Variants in MDGA2 observed in about 807,000 individuals in gnomAD.
MDGA2 encodes the protein MAM domain containing glycosylphosphatidylinositol anchor 2, also known as MAM domain-containing glycosylphosphatidylinositol anchor protein 2.
In MDGA2, 40 loss-of-function variants were observed where a neutral mutation model predicts 117.8. That is an observed-to-expected ratio of 0.34 (90% CI 0.26 to 0.44). MDGA2 has a LOEUF of 0.44. Ranked by LOEUF, MDGA2 falls within the 20% of genes least tolerant of loss-of-function variation. MDGA2 has a pLI of 1.00. For synonymous variants in MDGA2, 452 were observed against 439.0 expected, an observed-to-expected ratio of 1.03 and a Z score of -0.37; for missense variants, 1,123 against 1,250.6, an observed-to-expected ratio of 0.90 and a Z score of 1.54.
chr14:46,970,213 A>G (rs1886211463), intron 8 of MDGA2, among the ~76,000 whole-genome samples: 1 of 152,026 alleles, frequency 6.6e-6, no homozygotes. Context: ...TGGAATTTGT[A>G]TGAAACCAAA....
intron 1 of MDGA2, among the ~76,000 whole-genome samples, chr14:47,326,485 T>C (rs1173174486): frequency 6.6e-6 from 1 of 152,036 alleles, no homozygotes; most frequent in Non-Finnish European, 1.5e-5. Context: ...GCTTTCCAAT[T>C]ATTCCTCTCT....
At chr14:47,667,780 A>C (rs1898002190) in intron 1 of MDGA2, among the ~76,000 whole-genome samples, 1 of 152,120 alleles carries the variant, frequency 6.6e-6, no homozygotes, top group Non-Finnish European at 1.5e-5. Context: ...GGATCACTTG[A>C]TTATTTTTAT....
intron 1 of MDGA2, among the ~76,000 whole-genome samples, chr14:47,635,206 A>C (rs1897303175): frequency 6.6e-6 from 1 of 152,100 alleles, no homozygotes; most frequent in South Asian, 2.1e-4. Flanking sequence ...CAAGAAATAA[A>C]TTTTATGTTG....
intron 3 of MDGA2, among the ~76,000 whole-genome samples, chr14:47,183,426 T>A (rs747183655): frequency 6.6e-6 from 1 of 152,218 alleles, no homozygotes; most frequent in African/African-American, 2.4e-5. Flanking sequence ...AATTTTGACA[T>A]TTCAATAGAT....
chr14:47,305,635 A>G (rs1889418697), intron 1 of MDGA2, among the ~76,000 whole-genome samples: 1 of 152,158 alleles, frequency 6.6e-6, no homozygotes. Context: ...CACCTCATAT[A>G]TAGACTTTCA....
At chr14:47,345,967 T>A (rs974739758) in intron 1 of MDGA2, among the ~76,000 whole-genome samples, 24 of 152,128 alleles carry the variant, frequency 1.6e-4, no homozygotes, top group Non-Finnish European at 2.8e-4. Flanking sequence ...CAGAGAGATT[T>A]CTTCAAGGAT....
At chr14:46,875,563 C>T (rs1277200428) in intron 12 of MDGA2, among the ~76,000 whole-genome samples, 2 of 151,566 alleles carry the variant, frequency 1.3e-5, no homozygotes, top group African/African-American at 2.4e-5. Context: ...ATATTTATGT[C>T]ACAGACCTTG....
intron 9 of MDGA2, among the ~76,000 whole-genome samples, chr14:46,925,519 C>G (rs977379096): frequency 6.6e-6 from 1 of 150,442 alleles, no homozygotes; most frequent in African/African-American, 2.4e-5. Context: ...GTAATCCCAG[C>G]TATTCGGGAG....
intron 1 of MDGA2, among the ~76,000 whole-genome samples, chr14:47,419,604 G>A (rs986524902): frequency 2.0e-5 from 3 of 151,856 alleles, no homozygotes; most frequent in East Asian, 1.9e-4. Context: ...TCTTATACAG[G>A]TTTGCTGCTT....
At chr14:46,904,206 A>G (rs1883400547) in intron 10 of MDGA2, among the ~76,000 whole-genome samples, 1 of 152,020 alleles carries the variant, frequency 6.6e-6, no homozygotes, top group African/African-American at 2.4e-5. Context: ...TCTACTAAAA[A>G]TATTAAAAAT....
chr14:47,553,185 T>C (rs892363830), intron 1 of MDGA2, among the ~76,000 whole-genome samples: 1 of 152,244 alleles, frequency 6.6e-6, no homozygotes, highest in Non-Finnish European at 1.5e-5. Context: ...ACTGCATATT[T>C]ATTGGCTTCT....
chr14:47,547,181 A>G (rs1445002535), intron 1 of MDGA2, among the ~76,000 whole-genome samples: 2 of 152,304 alleles, frequency 1.3e-5, no homozygotes, highest in African/African-American at 2.4e-5. Context: ...TGACAGCACA[A>G]CAAGATTGAA....
chr14:47,051,379 T>C (rs1055026766), intron 7 of MDGA2, among the ~76,000 whole-genome samples: 1 of 152,086 alleles, frequency 6.6e-6, no homozygotes, highest in African/African-American at 2.4e-5. Flanking sequence ...AAATTAAGAA[T>C]AGATATTTAG....
intron 1 of MDGA2, among the ~76,000 whole-genome samples, chr14:47,574,326 A>G (rs1896076285): frequency 6.6e-6 from 1 of 152,114 alleles, no homozygotes; most frequent in Non-Finnish European, 1.5e-5. Flanking sequence ...CCAGAATCCT[A>G]TACACTGGCC....
chr14:47,173,865 G>C (rs1228520151), intron 3 of MDGA2, among the ~76,000 whole-genome samples: 2 of 152,008 alleles, frequency 1.3e-5, no homozygotes, highest in African/African-American at 2.4e-5. Flanking sequence ...AAATTGGATA[G>C]AGTCAAGACC....
At chr14:47,580,244 G>T (rs1896204598) in intron 1 of MDGA2, among the ~76,000 whole-genome samples, 1 of 151,992 alleles carries the variant, frequency 6.6e-6, no homozygotes, top group South Asian at 2.1e-4. Flanking sequence ...CCAAGATCAA[G>T]ACACAAGATT....
intron 2 of MDGA2, among the ~76,000 whole-genome samples, chr14:47,273,266 C>T (rs1888205683): frequency 6.6e-6 from 1 of 152,068 alleles, no homozygotes; most frequent in Non-Finnish European, 1.5e-5. Flanking sequence ...AAATTCGTGT[C>T]AAATTATATT....
intron 3 of MDGA2, among the ~76,000 whole-genome samples, chr14:47,145,480 A>T (rs986248884): frequency 5.3e-5 from 8 of 152,200 alleles, no homozygotes; most frequent in African/African-American, 1.9e-4. Flanking sequence ...CGAAAGATAA[A>T]TTTTAAAAGT....
At chr14:47,401,338 A>G (rs558240304) in intron 1 of MDGA2, among the ~76,000 whole-genome samples, 1 of 152,300 alleles carries the variant, frequency 6.6e-6, no homozygotes. Flanking sequence ...ATTAAAAAAG[A>G]CTTTGAAAGC....
Sources: gnomAD v4.1 joint callset for allele counts (sites outside exome capture counted in the v4.1 genomes callset) on GRCh38, gnomAD v4.1.1 for gene constraint, MANE v1.5 for transcripts, NCBI Gene and HGNC (gene_info 2026-07-23, HGNC 2026-07-21) for gene names.